JCAD: variants seen among roughly 807,000 people sequenced by gnomAD.
The protein encoded by JCAD is junctional cadherin 5-associated protein.
JCAD carries 40 observed loss-of-function variants against 98.0 expected under a neutral mutation model. The ratio of observed to expected loss-of-function variants is 0.41; its 90% CI spans 0.32 to 0.53. The LOEUF (loss-of-function observed/expected upper bound fraction) is 0.53. JCAD is among the 20% of genes least tolerant of loss of function. The pLI is 0.31. For missense variants in JCAD, 1,705 were observed against 1,738.1 expected (o/e 0.98, Z 0.34); for synonymous variants, 691 against 682.3 (o/e 1.01, Z -0.20).
Position 30,028,024 on chromosome 10 carries a change from T to C in JCAD, c.2124A>G (p.Ala708=), listed in dbSNP as rs781603941. The C allele has an allele frequency of 6.2e-7, 1 of 1,614,250 alleles. No homozygotes were observed. Among genetic ancestry groups the C allele is most frequent in the African/African-American group, 1.3e-5 (1 of 75,068 alleles). The part of the protein sequence containing the change: ...EPQSSQLLPG[A]KLGGPSRAAL... ...CTGCACGACTCGGCCCTCCCAGCTTTGCACCAGGGAGCAGCTGCGAACTTT... is the reference window on the plus strand; with the variant it reads ...CTGCACGACTCGGCCCTCCCAGCTTCGCACCAGGGAGCAGCTGCGAACTTT... Residue 708 remains alanine, a synonymous_variant, in exon 3 of 4, where the codon GCA becomes GCG. Coordinates refer to ENST00000375377, the MANE Select transcript of JCAD (RefSeq NM_020848.4).
intron 1 of JCAD, among the ~76,000 whole-genome samples, chr10:30,049,218 G>A (rs1837418114): frequency 6.6e-6 from 1 of 152,160 alleles, no homozygotes; most frequent in South Asian, 2.1e-4. Context: ...GCCTGGGTGA[G>A]AGACACACAA....
In JCAD at chr10:30,018,620, A is replaced by G. The variant is rs146793563; in HGVS notation, c.4046-703T>C. On this transcript the variant is annotated intron_variant, in intron 3 of 3. Coordinates refer to ENST00000375377, the MANE Select transcript of JCAD (RefSeq NM_020848.4). Reference sequence around the variant, plus strand: ...ACCTGGATTTCTAAAACGGGACACCATACAAAAGAGCAATCATCCTAAACT... The same window carrying G: ...ACCTGGATTTCTAAAACGGGACACCGTACAAAAGAGCAATCATCCTAAACT... Among the ~76,000 whole-genome samples, 1,100 of 152,280 alleles carry G rather than the reference A, an allele frequency of 7.2e-3. 15 individuals carry two copies. The highest frequency in any genetic ancestry group is 0.042 in the South Asian group (202 of 4,824).
At chr10:30,020,220 G>A (rs944422257) in intron 3 of JCAD, among the ~76,000 whole-genome samples, 1 of 151,402 alleles carries the variant, frequency 6.6e-6, no homozygotes, top group Admixed American at 6.6e-5. Context: ...CTAGCTACTC[G>A]GGAGGCTGAG....
At chr10:30,101,657 C>T (rs960843279) in intron 1 of JCAD, among the ~76,000 whole-genome samples, 1 of 151,850 alleles carries the variant, frequency 6.6e-6, no homozygotes, top group African/African-American at 2.4e-5. Context: ...CCTGAGCCAC[C>T]ACGCCCGGCT....
At chr10:30,054,915 C>G (rs1386406678) in intron 1 of JCAD, among the ~76,000 whole-genome samples, 1 of 152,044 alleles carries the variant, frequency 6.6e-6, no homozygotes, top group Non-Finnish European at 1.5e-5. Flanking sequence ...GTGATCCGCC[C>G]GCCTCGGCCT....
intron 1 of JCAD, among the ~76,000 whole-genome samples, chr10:30,103,267 G>A (rs1170260035): frequency 6.6e-5 from 10 of 152,052 alleles, no homozygotes; most frequent in Non-Finnish European, 1.5e-5. Context: ...AGTGAACATG[G>A]GAGTAAAGCT....
intron 3 of JCAD, among the ~76,000 whole-genome samples, chr10:30,022,406 T>C (rs1005895048): frequency 1.6e-5 from 2 of 127,668 alleles, no homozygotes; most frequent in African/African-American, 5.8e-5. Flanking sequence ...GGGGAAGAGA[T>C]GAGGATTCTT....
intron 1 of JCAD, 125 bp from the exon 2 acceptor site, chr10:30,047,996 A>G (rs1837390266): frequency 5.4e-6 from 3 of 552,450 alleles, no homozygotes; most frequent in Middle Eastern, 4.7e-4. Context: ...GAACCTGCAC[A>G]GAAAGAGGGG....
intron 1 of JCAD, among the ~76,000 whole-genome samples, chr10:30,084,119 AAG>A (rs1838130318): frequency 6.6e-6 from 1 of 151,808 alleles, no homozygotes; most frequent in African/African-American, 2.4e-5. Context: ...AAGAAAAAGA[AAG>A]AGAAAGAAAA....
intron 2 of JCAD, 97 bp downstream of exon 2, chr10:30,047,435 C>A: frequency 1.4e-6 from 2 of 1,423,628 alleles, no homozygotes; most frequent in Non-Finnish European, 1.9e-6. Context: ...CCCTCCTTGG[C>A]CCTGGCCAAA....
At chr10:30,059,911 C>T (rs1837669624), upstream of JCAD, among the ~76,000 whole-genome samples, 1 of 152,118 alleles carries the variant, frequency 6.6e-6, no homozygotes, top group Admixed American at 6.5e-5. The surrounding 1 kb of genome is among the most constrained non-coding windows in gnomAD (Gnocchi z 5.0). Flanking sequence ...CAGATGCACA[C>T]AAACACACTC....
intron 1 of JCAD, among the ~76,000 whole-genome samples, chr10:30,056,629 A>G (rs1837574653): frequency 6.6e-6 from 1 of 152,186 alleles, no homozygotes; most frequent in African/African-American, 2.4e-5. Context: ...TAAACTATAA[A>G]GACAACCAAT....
upstream of JCAD, among the ~76,000 whole-genome samples, chr10:30,059,834 A>G (rs1330134589): frequency 6.6e-6 from 1 of 152,224 alleles, no homozygotes. This position sits in a 1 kb window ranked among gnomAD's most constrained non-coding sequence, Gnocchi z 5.0. Flanking sequence ...ATACACAGAA[A>G]GCAAACATAT....
intron 3 of JCAD, among the ~76,000 whole-genome samples, chr10:30,024,263 G>T (rs1010602228): frequency 6.6e-6 from 1 of 152,166 alleles, no homozygotes; most frequent in African/African-American, 2.4e-5. Flanking sequence ...GGATTTATTT[G>T]TCTTATTTTA....
At chr10:30,112,509 G>A (rs111687503) in intron 1 of JCAD, among the ~76,000 whole-genome samples, 105 of 151,796 alleles carry the variant, frequency 6.9e-4, no homozygotes, top group African/African-American at 2.5e-3. Context: ...TTAAACAAAC[G>A]AAAAAAATTA....
At chr10:30,113,142 A>AAGGT (rs1370602108) in intron 1 of JCAD, among the ~76,000 whole-genome samples, 1 of 152,154 alleles carries the variant, frequency 6.6e-6, no homozygotes, top group Non-Finnish European at 1.5e-5. Context: ...AGAGTCAATG[A>AAGGT]AGGTGGTCAT....
chr10:30,087,745 G>A (rs1838189155), intron 1 of JCAD, among the ~76,000 whole-genome samples: 1 of 152,216 alleles, frequency 6.6e-6, no homozygotes, highest in African/African-American at 2.4e-5. Context: ...TTGAATGTGG[G>A]AAGAGAAAAA....
intron 2 of JCAD, among the ~76,000 whole-genome samples, chr10:30,066,965 C>T (rs1280223184): frequency 1.3e-5 from 2 of 152,004 alleles, no homozygotes; most frequent in African/African-American, 2.4e-5. Context: ...TCACTGCACT[C>T]CAGCCTGGGC....
intron 1 of JCAD, among the ~76,000 whole-genome samples, chr10:30,074,795 GT>G (rs200692985): frequency 6.7e-6 from 1 of 148,268 alleles, no homozygotes; most frequent in Non-Finnish European, 1.5e-5. Context: ...CTACTGTTTT[GT>G]TTTTTTTTTA....
Sources: gnomAD v4.1 joint callset for allele counts (sites outside exome capture counted in the v4.1 genomes callset) on GRCh38, gnomAD v4.1.1 for gene constraint, Gnocchi (gnomAD v3.1) non-coding constraint, MANE v1.5 for transcripts, NCBI Gene and HGNC (gene_info 2026-07-23, HGNC 2026-07-21) for gene names.